The following ERC2 variants were observed in gnomAD, a reference collection of about 807,000 sequenced individuals.
ERC2 encodes the protein ELKS/RAB6-interacting/CAST family member 2.
ERC2 carries 42 observed loss-of-function variants against 114.8 expected under a neutral mutation model. The observed-to-expected ratio is 0.37, with a 90% CI of 0.29 to 0.47. The LOEUF is 0.47. ERC2 is among the 20% of genes least tolerant of loss of function. ERC2 has a pLI of 0.99. For missense variants in ERC2, 939 were observed against 1,150.7 expected, an observed-to-expected ratio of 0.82 and a Z score of 2.66; for synonymous variants, 454 against 425.5, an observed-to-expected ratio of 1.07 and a Z score of -0.82.
At chr3:55,916,509 G>A (rs1409143005) in intron 13 of ERC2, among the ~76,000 whole-genome samples, 3 of 152,226 alleles carry the variant, frequency 2.0e-5, no homozygotes, top group East Asian at 3.9e-4. Flanking sequence ...AATCACATGT[G>A]CGCTAGTATA....
At chr3:56,467,741 A>G (rs1160403142) in intron 1 of ERC2, among the ~76,000 whole-genome samples, 1 of 151,754 alleles carries the variant, frequency 6.6e-6, no homozygotes, top group Non-Finnish European at 1.5e-5. Context: ...AAAAAAAAAT[A>G]TGCTCCCCTC....
chr3:55,914,461 A>G (rs2064984690), intron 13 of ERC2, among the ~76,000 whole-genome samples: 1 of 152,206 alleles, frequency 6.6e-6, no homozygotes, highest in African/African-American at 2.4e-5. Context: ...TTAAGATTTA[A>G]GAATACTGCC....
intron 3 of ERC2, among the ~76,000 whole-genome samples, chr3:56,228,904 G>T (rs1445022562): frequency 6.6e-6 from 1 of 152,090 alleles, no homozygotes; most frequent in Non-Finnish European, 1.5e-5. Context: ...GCTTTTTGGG[G>T]GATGGGGTAG....
rs558719853 is a variant in ERC2 at position 55,807,620 on chromosome 3, AC to A, written c.2565-72703del. Among the ~76,000 whole-genome samples the A allele has an allele frequency of 3.0e-4, 45 of 149,144 alleles. No homozygotes were observed. In the South Asian group the frequency reaches 9.2e-3, roughly 30 times the overall value. On this transcript the variant is annotated intron_variant, in intron 14 of 17. Transcript: ENST00000288221. ...TTATTTGTAAAAATAAAATTAAAGG[AC>A]TGGATTTGGCCAGCCGCAGTTTTCT... is the stretch of plus-strand genomic sequence containing the variant.
intron 3 of ERC2, among the ~76,000 whole-genome samples, chr3:56,186,197 A>T (rs937133438): frequency 6.6e-6 from 1 of 151,508 alleles, no homozygotes; most frequent in Non-Finnish European, 1.5e-5. Context: ...TGAAGCAAAA[A>T]ATCTAGTTGA....
intron 2 of ERC2, among the ~76,000 whole-genome samples, chr3:56,365,317 A>T (rs1349619107): frequency 6.6e-6 from 1 of 152,226 alleles, no homozygotes; most frequent in Non-Finnish European, 1.5e-5. Context: ...CTACGTTACA[A>T]TTGCCTACAG....
rs2051889523 is a variant in ERC2, at chr3:55,508,442, A to G, written c.*2874T>C. 1 of 152,676 alleles carries G rather than the reference A, an allele frequency of 6.5e-6. No individual in the cohort carries two copies. Among genetic ancestry groups the G allele is most frequent in the African/African-American group, 2.4e-5 (1 of 41,454 alleles). 9.5% of individuals were successfully genotyped at this position (152,676 alleles called of 1,614,324 possible). The stretch of plus-strand genomic sequence containing the variant: ...TTGTTCTACTAGACACGAGGTTACA[A>G]TGACTGGCTAATACATGCCCACTGG... On this transcript the variant is annotated 3_prime_UTR_variant, in exon 18 of 18. Transcript: ENST00000288221.
chr3:55,549,817 G>C (rs2055025809), intron 17 of ERC2, among the ~76,000 whole-genome samples: 1 of 151,964 alleles, frequency 6.6e-6, no homozygotes, highest in Admixed American at 6.6e-5. Context: ...AAGCATCCTA[G>C]TACATGGTTT....
chr3:55,561,692 A>G (rs1213307249), intron 17 of ERC2, among the ~76,000 whole-genome samples: 2 of 152,004 alleles, frequency 1.3e-5, no homozygotes, highest in Non-Finnish European at 2.9e-5. Flanking sequence ...CTTGCCCTGT[A>G]TCCATCCTCC....
chr3:56,317,142 T>C (rs1298788246), intron 2 of ERC2, among the ~76,000 whole-genome samples: 1 of 152,124 alleles, frequency 6.6e-6, no homozygotes, highest in Non-Finnish European at 1.5e-5. Context: ...GTGTACAAAG[T>C]GCTGAGGCAG....
At chr3:55,676,915 A>G (rs1028691836) in intron 17 of ERC2, among the ~76,000 whole-genome samples, 1 of 152,184 alleles carries the variant, frequency 6.6e-6, no homozygotes, top group East Asian at 1.9e-4. Context: ...TTTCTCAGCC[A>G]GATTTCAGGT....
intron 7 of ERC2, among the ~76,000 whole-genome samples, chr3:56,044,258 T>A (rs1373750473): frequency 6.6e-6 from 1 of 152,190 alleles, no homozygotes; most frequent in Non-Finnish European, 1.5e-5. Flanking sequence ...AAGGTCATTC[T>A]AAGACAGCTA....
At chr3:55,551,849 C>T (rs191788809) in intron 17 of ERC2, among the ~76,000 whole-genome samples, 16 of 152,364 alleles carry the variant, frequency 1.1e-4, no homozygotes, top group Admixed American at 1.0e-3. Context: ...GTAGCCCAGT[C>T]AAGTTGACAC....
chr3:56,167,502 G>A (rs1385980569), intron 4 of ERC2, among the ~76,000 whole-genome samples: 1 of 152,090 alleles, frequency 6.6e-6, no homozygotes, highest in East Asian at 1.9e-4. Context: ...TTGCTTCTAA[G>A]TGACAACCAT....
chr3:56,279,572 G>A (rs1446629017), intron 3 of ERC2, among the ~76,000 whole-genome samples: 1 of 152,230 alleles, frequency 6.6e-6, no homozygotes, highest in Non-Finnish European at 1.5e-5. Context: ...TAAGCTGACT[G>A]GGAGAGGCAA....
chr3:55,802,485 T>C (rs1026487359), intron 14 of ERC2, among the ~76,000 whole-genome samples: 1 of 152,218 alleles, frequency 6.6e-6, no homozygotes, highest in Non-Finnish European at 1.5e-5. Flanking sequence ...TAAGAAAATA[T>C]ACCTTGACAA....
At chr3:55,847,966 A>G (rs1285787800) in intron 14 of ERC2, among the ~76,000 whole-genome samples, 1 of 151,876 alleles carries the variant, frequency 6.6e-6, no homozygotes, top group Non-Finnish European at 1.5e-5. Context: ...CTGGCTAATT[A>G]TTTTATTTTT....
intron 13 of ERC2, among the ~76,000 whole-genome samples, chr3:55,913,212 C>T (rs566912649): frequency 2.0e-4 from 31 of 152,110 alleles, no homozygotes; most frequent in East Asian, 1.4e-3. Flanking sequence ...CCTTTTAGCT[C>T]GACAAAATAA....
intron 14 of ERC2, among the ~76,000 whole-genome samples, chr3:55,839,171 G>A (rs1330643831): frequency 6.6e-6 from 1 of 151,546 alleles, no homozygotes; most frequent in Non-Finnish European, 1.5e-5. Context: ...ACAACACAGT[G>A]GAGCAACATT....
Sources: gnomAD v4.1 joint callset for allele counts (sites outside exome capture counted in the v4.1 genomes callset) on GRCh38, gnomAD v4.1.1 for gene constraint, MANE v1.5 for transcripts, NCBI Gene and HGNC (gene_info 2026-07-23, HGNC 2026-07-21) for gene names.